Variants in METAP1 observed in about 807,000 individuals in gnomAD.
METAP1 encodes methionine aminopeptidase 1.
Under a neutral mutation model 53.8 loss-of-function variants are expected in METAP1, and 28 were observed. The observed-to-expected ratio is 0.52, with a 90% CI of 0.39 to 0.71. The LOEUF (loss-of-function observed/expected upper bound fraction) is 0.71. METAP1 is among the 30% of genes least tolerant of loss of function. METAP1 has a pLI of 0.00. For synonymous variants in METAP1, 181 were observed against 165.7 expected, an observed-to-expected ratio of 1.09 and a Z score of -0.71; for missense variants, 389 against 479.8, an observed-to-expected ratio of 0.81 and a Z score of 1.77.
At chr4:99,029,733 G>T (rs1223474629) in intron 2 of METAP1, among the ~76,000 whole-genome samples, 1 of 151,638 alleles carries the variant, frequency 6.6e-6, no homozygotes, top group African/African-American at 2.4e-5. Flanking sequence ...ATCTACTTGT[G>T]TATTTTTTTT....
chr4:99,006,328 T>G (rs1354316614), intron 1 of METAP1, among the ~76,000 whole-genome samples: 1 of 152,166 alleles, frequency 6.6e-6, no homozygotes. Flanking sequence ...TTTTACTGAG[T>G]TTCTCTAGCT....
intron 1 of METAP1, among the ~76,000 whole-genome samples, chr4:98,996,274 C>T (rs1161406888): frequency 1.3e-5 from 2 of 152,230 alleles, no homozygotes; most frequent in East Asian, 3.9e-4. Flanking sequence ...GCCTCCACAT[C>T]CGCAGCACCG....
chr4:99,019,709 CTT>C lies in METAP1; in HGVS notation c.115-9156_115-9155del, dbSNP rs138950318. Among the ~76,000 whole-genome samples, 102 of 152,322 alleles carry C rather than the reference CTT, an allele frequency of 6.7e-4. No homozygotes were observed. In the Middle Eastern group the frequency reaches 0.01, roughly 15 times the overall value. On this transcript the variant is annotated intron_variant, in intron 1 of 10. Coordinates refer to ENST00000296411, the MANE Select transcript of METAP1 (RefSeq NM_015143.3). ...TCTGTCTTCATCCTTCTCATGTATG[CTT>C]TCTCTGCTGCTGCTAAAAGTTCTTC... is the stretch of plus-strand genomic sequence containing the variant.
intron 1 of METAP1, among the ~76,000 whole-genome samples, chr4:99,006,258 CAG>C (rs1723174587): frequency 6.6e-6 from 1 of 152,164 alleles, no homozygotes; most frequent in African/African-American, 2.4e-5. Context: ...AGATAAATAA[CAG>C]GGAAGTGCTA....
At chr4:99,033,098 C>G (rs1725165067) in intron 2 of METAP1, among the ~76,000 whole-genome samples, 1 of 152,132 alleles carries the variant, frequency 6.6e-6, no homozygotes, top group Non-Finnish European at 1.5e-5. Flanking sequence ...TGTGTCACAG[C>G]TCTTGTGAAC....
At chr4:98,996,781 A>G (rs371714579) in intron 1 of METAP1, among the ~76,000 whole-genome samples, 21 of 152,202 alleles carry the variant, frequency 1.4e-4, no homozygotes, top group African/African-American at 4.8e-4. Flanking sequence ...CTGGGCGGCA[A>G]TAGTATGGCT....
At chr4:99,027,670 C>G (rs1560711221) in intron 1 of METAP1, among the ~76,000 whole-genome samples, 1 of 152,072 alleles carries the variant, frequency 6.6e-6, no homozygotes, top group Non-Finnish European at 1.5e-5. Flanking sequence ...CCCAACCTCC[C>G]CAAAAGACTG....
intron 1 of METAP1, among the ~76,000 whole-genome samples, chr4:99,002,895 G>A (rs1402030798): frequency 2.0e-5 from 3 of 151,752 alleles, no homozygotes; most frequent in African/African-American, 7.3e-5. Flanking sequence ...GGGAAACCCC[G>A]TTTCTACTGA....
intron 1 of METAP1, chr4:99,026,841 A>G: frequency 3.0e-6 from 3 of 985,386 alleles, no homozygotes; most frequent in Non-Finnish European, 3.6e-6. Context: ...CCAGTAAGGA[A>G]GATAAAGATG....
chr4:99,005,876 C>CA lies in METAP1; in HGVS notation c.114+10012dup, dbSNP rs759350611. 410 of 337,398 alleles carry CA rather than the reference C, an allele frequency of 1.2e-3. 4 individuals are homozygous for CA. The highest frequency in any genetic ancestry group is 1.0e-3 in the Non-Finnish European group (176 of 172,318). 20.9% of individuals were successfully genotyped at this position (337,398 alleles called of 1,614,324 possible). ...AAGTAGGAGCTAAGCTGTGGGTACT[C>CA]AAAGACATTCGGAGTGGTATAATGG... On this transcript the variant is annotated intron_variant, in intron 1 of 10. Coordinates refer to ENST00000296411, the MANE Select transcript of METAP1 (RefSeq NM_015143.3).
At chr4:99,022,651 G>T in intron 1 of METAP1, 1 of 1,083,848 alleles carries the variant, frequency 9.2e-7, no homozygotes, top group East Asian at 2.4e-5. Context: ...GGCGCTCAAA[G>T]GCAAGGTGCT....
chr4:99,040,573 T>TC (rs929998818), intron 5 of METAP1, among the ~76,000 whole-genome samples: 7 of 151,180 alleles, frequency 4.6e-5, no homozygotes, highest in Admixed American at 4.6e-4. Context: ...TTACTGTAAC[T>TC]CCAAACTCCT....
intron 9 of METAP1, among the ~76,000 whole-genome samples, chr4:99,050,396 G>A (rs1348409589): frequency 6.6e-6 from 1 of 152,190 alleles, no homozygotes; most frequent in Non-Finnish European, 1.5e-5. Context: ...TTGCAGGTGG[G>A]AGTTCTGAAG....
Position 99,018,844 on chromosome 4 carries a change from C to T in METAP1, c.115-10023C>T, listed in dbSNP as rs116804308. On this transcript the variant is annotated intron_variant, in intron 1 of 10. Coordinates refer to ENST00000296411, the MANE Select transcript of METAP1 (RefSeq NM_015143.3). ...GTCCTACCCGGCCTTCCAGGGAGAT[C>T]GGGTATTACTTTCTCCGGGCTACTC... Among the ~76,000 whole-genome samples the T allele has an allele frequency of 3.3e-3, 500 of 152,198 alleles. 6 individuals carry two copies. Among genetic ancestry groups the T allele is most frequent in the African/African-American group, 0.011 (458 of 41,542 alleles).
chr4:99,034,428 A>C (rs1420462931), intron 3 of METAP1, 86 bp downstream of exon 3: 5 of 779,182 alleles, frequency 6.4e-6, no homozygotes, highest in Non-Finnish European at 8.8e-6. Flanking sequence ...GTAGTGAATC[A>C]TATAATCAGG....
At chr4:99,012,702 G>A (rs956651237) in intron 1 of METAP1, among the ~76,000 whole-genome samples, 1 of 110,088 alleles carries the variant, frequency 9.1e-6, no homozygotes, top group African/African-American at 3.2e-5. Context: ...GGTTTATTCT[G>A]AGCCAAATAA....
chr4:99,001,065 C>T (rs890120979), intron 1 of METAP1, among the ~76,000 whole-genome samples: 4 of 152,348 alleles, frequency 2.6e-5, no homozygotes, highest in Admixed American at 1.3e-4. Flanking sequence ...GCCGTTATAA[C>T]ATGCAGTATC....
chr4:99,047,130 C>T (rs1186680105), intron 8 of METAP1, among the ~76,000 whole-genome samples: 1 of 152,024 alleles, frequency 6.6e-6, no homozygotes, highest in East Asian at 1.9e-4. Context: ...TTGCACCTCC[C>T]TTACTCCCCC....
At chr4:99,029,312 C>T (rs925662615) in intron 2 of METAP1, among the ~76,000 whole-genome samples, 1 of 152,096 alleles carries the variant, frequency 6.6e-6, no homozygotes, top group African/African-American at 2.4e-5. Context: ...ATTTGTATTG[C>T]TTTTTCTACT....
Sources: gnomAD v4.1 joint callset for allele counts (sites outside exome capture counted in the v4.1 genomes callset) on GRCh38, gnomAD v4.1.1 for gene constraint, MANE v1.5 for transcripts, NCBI Gene and HGNC (gene_info 2026-07-23, HGNC 2026-07-21) for gene names.